RBFOX3: variants seen among roughly 807,000 people sequenced by gnomAD.
The protein encoded by RBFOX3 is RNA binding protein fox-1 homolog 3.
RBFOX3 carries 17 observed loss-of-function variants against 48.7 expected under a neutral mutation model. That is an observed-to-expected ratio of 0.35 (90% CI 0.24 to 0.52). The LOEUF (loss-of-function observed/expected upper bound fraction) is 0.52, where lower values mean the gene tolerates loss of function less well. Among genes scored for constraint, RBFOX3 ranks in the 20% least tolerant of loss-of-function variants. The probability of loss-of-function intolerance (pLI) is 0.94; values close to 1 mark genes in which losing one functional copy is unlikely to be tolerated. For synonymous variants in RBFOX3, 212 were observed against 209.5 expected (o/e 1.01, Z -0.10); for missense variants, 382 against 497.5 (o/e 0.77, Z 2.21).
At chr17:79,346,727 C>T (rs991672458) in intron 2 of RBFOX3, among the ~76,000 whole-genome samples, 8 of 152,198 alleles carry the variant, frequency 5.3e-5, no homozygotes, top group African/African-American at 1.9e-4. Flanking sequence ...TTTATTAGAA[C>T]TCCTCTACTT....
intron 1 of RBFOX3, among the ~76,000 whole-genome samples, chr17:79,501,509 T>C (rs967660429): frequency 1.3e-5 from 2 of 152,164 alleles, no homozygotes; most frequent in Non-Finnish European, 2.9e-5. Flanking sequence ...ACCCTCTGCC[T>C]CCTCCTTGTC....
chr17:79,372,278 C>G (rs988505405), intron 2 of RBFOX3, among the ~76,000 whole-genome samples: 25 of 147,326 alleles, frequency 1.7e-4, no homozygotes, highest in Non-Finnish European at 3.0e-4. Context: ...TATGGCTCCC[C>G]TGGGTCCTAT....
Position 79,443,614 on chromosome 17 carries a change from C to A in RBFOX3, c.-175+38840G>T, listed in dbSNP as rs1451776735. On this transcript the variant is annotated intron_variant, in intron 2 of 14. Transcript: ENST00000693108. The surrounding 1 kb of genome is among the most constrained non-coding windows in gnomAD (Gnocchi z 4.4). ...GCCAGGCTGGCCACAAACTCCTGAC[C>A]TCAGGTGATCCACCCGCCTCGGCCT... Among the ~76,000 whole-genome samples, 1 of 152,162 alleles carries A rather than the reference C, an allele frequency of 6.6e-6. No homozygotes were observed. The highest frequency in any genetic ancestry group is 1.9e-4 in the East Asian group (1 of 5,180).
intron 4 of RBFOX3, among the ~76,000 whole-genome samples, chr17:79,160,708 A>C (rs1034102174): frequency 6.6e-6 from 1 of 152,190 alleles, no homozygotes; most frequent in South Asian, 2.1e-4. Context: ...TGGCGAGCGT[A>C]GTGGCTCATG....
At chr17:79,407,828 TCA>T (rs1452791134) in intron 2 of RBFOX3, among the ~76,000 whole-genome samples, 1 of 152,220 alleles carries the variant, frequency 6.6e-6, no homozygotes, top group Non-Finnish European at 1.5e-5. Context: ...ACCCCTGTTC[TCA>T]GAGTCCTCTT....
At chr17:79,246,580 C>G (rs2063198953) in intron 3 of RBFOX3, among the ~76,000 whole-genome samples, 1 of 152,262 alleles carries the variant, frequency 6.6e-6, no homozygotes, top group Non-Finnish European at 1.5e-5. Context: ...CCAGTCCCCA[C>G]TTGGCTGCTG....
At chr17:79,559,233 C>T (rs1463360481) in intron 1 of RBFOX3, among the ~76,000 whole-genome samples, 1 of 152,238 alleles carries the variant, frequency 6.6e-6, no homozygotes. Context: ...GCATTAAGTG[C>T]TTACTAATTA....
chr17:79,298,075 T>C (rs1048988631), intron 3 of RBFOX3: 6 of 151,996 alleles, frequency 3.9e-5, no homozygotes, highest in African/African-American at 1.5e-4. Context: ...CAGTTAAAGG[T>C]AGATATGAGC....
intron 2 of RBFOX3, among the ~76,000 whole-genome samples, chr17:79,463,224 T>C (rs1206799951): frequency 1.8e-4 from 7 of 39,172 alleles, no homozygotes; most frequent in East Asian, 8.3e-4. Flanking sequence ...TCCACTGCCA[T>C]CGCCACTGCC....
At chr17:79,506,938 C>G (rs1315051219) in intron 1 of RBFOX3, among the ~76,000 whole-genome samples, 2 of 152,214 alleles carry the variant, frequency 1.3e-5, no homozygotes, top group Admixed American at 6.5e-5. Flanking sequence ...GAGGCCTGCG[C>G]AGATGTGGCC....
rs1422825555 is a variant in RBFOX3, at chr17:79,535,456, C to T, written c.-319-52858G>A. 7.2e-5 allele frequency among the ~76,000 whole-genome samples: 11 copies of T among 152,158 alleles called. No homozygotes were observed. The highest frequency in any genetic ancestry group is 2.1e-4 in the South Asian group (1 of 4,832). On this transcript the variant is annotated intron_variant, in intron 1 of 14. Coordinates refer to ENST00000693108, the MANE Select transcript of RBFOX3 (RefSeq NM_001350451.2). This position sits in a 1 kb window ranked among gnomAD's most constrained non-coding sequence, Gnocchi z 4.5. ...TCCGGAGAGTGTCACAAGGGGACAGCGGCCTCCAATCTCCCGATTCCTTTA... is the reference window on the plus strand; with the variant it reads ...TCCGGAGAGTGTCACAAGGGGACAGTGGCCTCCAATCTCCCGATTCCTTTA...
intron 2 of RBFOX3, among the ~76,000 whole-genome samples, chr17:79,321,225 A>C (rs1361801626): frequency 6.6e-6 from 1 of 152,218 alleles, no homozygotes; most frequent in Non-Finnish European, 1.5e-5. Flanking sequence ...CTATGGGCTC[A>C]TTTCCCTTCT....
chr17:79,095,623 C>T (rs1430237968), intron 12 of RBFOX3, 49 bp from the exon 13 acceptor site: 1 of 1,512,536 alleles, frequency 6.6e-7, no homozygotes, highest in African/African-American at 1.4e-5. Context: ...AGTGGGGCTC[C>T]CCAGGGAAAG....
At chr17:79,167,979 AGAGTG>A (rs535998272) in intron 4 of RBFOX3, among the ~76,000 whole-genome samples, 1 of 152,274 alleles carries the variant, frequency 6.6e-6, no homozygotes, top group South Asian at 2.1e-4. Context: ...CTCCAACCAC[AGAGTG>A]GGGGGCAGTG....
intron 3 of RBFOX3, among the ~76,000 whole-genome samples, chr17:79,246,338 C>T (rs999716886): frequency 3.9e-5 from 6 of 152,326 alleles, no homozygotes; most frequent in South Asian, 4.1e-4. Flanking sequence ...GTCCCGCCCC[C>T]GACTGCTCGT....
chr17:79,383,912 A>G (rs980684557), intron 2 of RBFOX3, among the ~76,000 whole-genome samples: 3 of 152,060 alleles, frequency 2.0e-5, no homozygotes, highest in African/African-American at 7.2e-5. Context: ...CGGGACCCCC[A>G]TATGTGGCAA....
intron 4 of RBFOX3, among the ~76,000 whole-genome samples, chr17:79,183,713 G>A (rs1223353346): frequency 6.6e-6 from 1 of 150,534 alleles, no homozygotes; most frequent in African/African-American, 2.4e-5. Context: ...GTGTGTGAGT[G>A]CGCGCGTGTG....
At chr17:79,306,133 C>G (rs1392217277) in intron 3 of RBFOX3, among the ~76,000 whole-genome samples, 2 of 152,262 alleles carry the variant, frequency 1.3e-5, no homozygotes, top group Non-Finnish European at 2.9e-5. Context: ...TGACCCGAGG[C>G]CTGCAGGCGG....
At chr17:79,645,173 A>C in the RBFOX3 span, among the ~76,000 whole-genome samples, 4 of 152,024 alleles carry the variant, frequency 2.6e-5, no homozygotes, top group African/African-American at 9.7e-5. Context: ...CGGTCTCCCC[A>C]CATCCACACC....
Sources: allele counts gnomAD v4.1 joint callset (sites outside exome capture counted in the v4.1 genomes callset), GRCh38; gene constraint gnomAD v4.1.1; non-coding constraint Gnocchi (gnomAD v3.1); transcripts MANE v1.5; gene names NCBI Gene and HGNC (gene_info 2026-07-23, HGNC 2026-07-21).